The following ZBTB20 variants were observed in gnomAD, a reference collection of about 807,000 sequenced individuals.
The protein encoded by ZBTB20 is zinc finger and BTB domain-containing protein 20.
In ZBTB20, 9 loss-of-function variants were observed where a neutral mutation model predicts 56.9. The ratio of observed to expected loss-of-function variants is 0.16; its 90% CI spans 0.10 to 0.28. The LOEUF (loss-of-function observed/expected upper bound fraction) is 0.28. Ranked by LOEUF, ZBTB20 falls within the 10% of genes least tolerant of loss-of-function variation. The pLI is 1.00. For synonymous variants in ZBTB20, 417 were observed against 420.7 expected (o/e 0.99, Z 0.11); for missense variants, 655 against 1,003.0 (o/e 0.65, Z 4.69).
At chr3:114,486,138 G>GTGTGTGTGT (rs1553726951) in intron 7 of ZBTB20, among the ~76,000 whole-genome samples, 6 of 25,292 alleles carry the variant, frequency 2.4e-4, no homozygotes, top group African/African-American at 5.7e-4. Flanking sequence ...GTGTGTGTGT[G>GTGTGTGTGT]GGGGGGGGGG....
intron 3 of ZBTB20, among the ~76,000 whole-genome samples, chr3:114,929,856 G>T: frequency 6.6e-6 from 1 of 152,188 alleles, no homozygotes; most frequent in Non-Finnish European, 1.5e-5. Context: ...GAAATGAAAA[G>T]ACAAATTCTT....
intron 3 of ZBTB20, among the ~76,000 whole-genome samples, chr3:114,959,017 C>A (rs545049602): frequency 6.6e-6 from 1 of 152,040 alleles, no homozygotes; most frequent in African/African-American, 2.4e-5. Flanking sequence ...TATATATAAC[C>A]AAGTTTTAAG....
At chr3:114,441,329 T>G (rs966271505) in intron 7 of ZBTB20, among the ~76,000 whole-genome samples, 4 of 152,166 alleles carry the variant, frequency 2.6e-5, no homozygotes, top group African/African-American at 4.8e-5. Flanking sequence ...TTCATGCTGT[T>G]TTTTAAAAAT....
chr3:114,503,964 A>G (rs1348498149), intron 6 of ZBTB20, among the ~76,000 whole-genome samples: 1 of 152,136 alleles, frequency 6.6e-6, no homozygotes, highest in Non-Finnish European at 1.5e-5. Flanking sequence ...ACCAAGTTTC[A>G]AGGAACTCCT....
At chr3:114,921,233 C>T (rs530142619) in intron 3 of ZBTB20, among the ~76,000 whole-genome samples, 101 of 152,240 alleles carry the variant, frequency 6.6e-4, no homozygotes, top group African/African-American at 2.4e-3. Context: ...AGTGATTCTC[C>T]TGCTTCAGCT....
intron 1 of ZBTB20, among the ~76,000 whole-genome samples, chr3:115,073,678 C>A (rs1352977478): frequency 6.6e-6 from 1 of 151,316 alleles, no homozygotes; most frequent in East Asian, 1.9e-4. Flanking sequence ...ATATTTATAA[C>A]TATAAACAAA....
intron 6 of ZBTB20, among the ~76,000 whole-genome samples, chr3:114,597,096 A>C (rs2056381263): frequency 6.6e-6 from 1 of 152,178 alleles, no homozygotes. Context: ...GAGCCTTCTA[A>C]GCAGTTCTCC....
chr3:114,908,349 G>A (rs1157868608), intron 3 of ZBTB20, among the ~76,000 whole-genome samples: 1 of 152,014 alleles, frequency 6.6e-6, no homozygotes, highest in African/African-American at 2.4e-5. Context: ...GATAGAGCTA[G>A]GGTATTTGGC....
chr3:115,135,915 C>T (rs1185893519), intron 1 of ZBTB20, among the ~76,000 whole-genome samples: 1 of 152,006 alleles, frequency 6.6e-6, no homozygotes. Flanking sequence ...TTAGAAAGCT[C>T]ATATAAAAAG....
Position 115,058,683 on chromosome 3 carries a change from G to A in ZBTB20, c.-507+12536C>T, listed in dbSNP as rs919775982. Among the ~76,000 whole-genome samples, 5 of 152,200 alleles carry A rather than the reference G, an allele frequency of 3.3e-5. No individual in the cohort carries two copies. The East Asian group carries it at 9.7e-4, about 29-fold the overall frequency. On this transcript the variant is annotated intron_variant, in intron 2 of 11. Coordinates refer to ENST00000675478, the MANE Select transcript of ZBTB20 (RefSeq NM_001348800.3). Reference sequence around the variant, plus strand: ...GGCAGAGGTTGCAGTAAGCCACGATGTGCCACTGCACTCCAGCCTGGGCAA... The same window carrying A: ...GGCAGAGGTTGCAGTAAGCCACGATATGCCACTGCACTCCAGCCTGGGCAA...
intron 5 of ZBTB20, among the ~76,000 whole-genome samples, chr3:114,794,138 C>T (rs1174861399): frequency 6.6e-6 from 1 of 152,022 alleles, no homozygotes; most frequent in East Asian, 1.9e-4. Context: ...GCTACTTAAT[C>T]GTTCTGGGGC....
intron 7 of ZBTB20, among the ~76,000 whole-genome samples, chr3:114,402,942 T>C (rs1009891314): frequency 3.3e-5 from 5 of 152,132 alleles, no homozygotes; most frequent in Admixed American, 6.6e-5. Flanking sequence ...TCCTTCACAG[T>C]GGTGTGTCTG....
At position 114,392,476 on chromosome 3, in the gene ZBTB20, G is replaced by A. The variant is rs117671301; in HGVS notation, c.-254-3371C>T. ...ACCACTGGGGTGATAAACTCAGGCT[G>A]AAAATAAGAATAAAGAAATTTCTCA... On this transcript the variant is annotated intron_variant, in intron 7 of 11. Coordinates refer to ENST00000675478, the MANE Select transcript of ZBTB20 (RefSeq NM_001348800.3). Among the ~76,000 whole-genome samples the A allele has an allele frequency of 4.9e-4, 74 of 152,288 alleles. No individual in the cohort carries two copies. The East Asian group carries it at 0.012, about 25-fold the overall frequency.
chr3:114,593,310 C>T (rs2055968037), intron 6 of ZBTB20, among the ~76,000 whole-genome samples: 2 of 151,228 alleles, frequency 1.3e-5, no homozygotes, highest in South Asian at 4.2e-4. Flanking sequence ...AATTCATAAA[C>T]TAAAAAGAAG....
chr3:114,586,875 C>T (rs1005265616), intron 6 of ZBTB20, among the ~76,000 whole-genome samples: 2 of 149,742 alleles, frequency 1.3e-5, no homozygotes, highest in African/African-American at 5.0e-5. Flanking sequence ...TGAAGAGTGC[C>T]TTCAGACTCA....
At chr3:114,575,591 T>A (rs114259398) in intron 6 of ZBTB20, among the ~76,000 whole-genome samples, 5,842 of 138,122 alleles carry the variant, frequency 0.042, 140 homozygotes, top group Middle Eastern at 0.065. Flanking sequence ...CTTTAAAAAA[T>A]AAAAAAAAAA....
At position 114,329,706 on chromosome 3, in the gene ZBTB20, T is replaced by C. The variant is rs2079173962; in HGVS notation, c.*9299A>G. 8.7e-6 allele frequency: 1 copy of C among 115,142 alleles called. No individual in the cohort carries two copies. The highest frequency in any genetic ancestry group is 1.7e-5 in the Non-Finnish European group (1 of 58,358). The allele number at this position is 115,142 out of a possible 1,614,324, so 7.1% of individuals were successfully genotyped here. A position where few individuals can be genotyped will look rare whatever the true frequency, so the allele number is the denominator to read the frequency against. ...TCCTGAAACTCTGGTTTTACTTTTT[T>C]TGGAAAAAAAAAAAAAAAAAAAAAA... On this transcript the variant is annotated 3_prime_UTR_variant, in exon 12 of 12. Transcript: ENST00000675478.
intron 10 of ZBTB20, among the ~76,000 whole-genome samples, chr3:114,353,902 T>G (rs574443651): frequency 9.8e-5 from 15 of 152,368 alleles, no homozygotes; most frequent in African/African-American, 2.4e-4. Context: ...CAATTGCTGG[T>G]AGACTGGCAT....
intron 5 of ZBTB20, among the ~76,000 whole-genome samples, chr3:114,753,584 G>A (rs915027471): frequency 6.6e-6 from 1 of 151,510 alleles, no homozygotes; most frequent in Non-Finnish European, 1.5e-5. Flanking sequence ...ACAGGCATGT[G>A]CTACCACGCC....
Sources: allele counts gnomAD v4.1 joint callset (sites outside exome capture counted in the v4.1 genomes callset), GRCh38; gene constraint gnomAD v4.1.1; transcripts MANE v1.5; gene names NCBI Gene and HGNC (gene_info 2026-07-23, HGNC 2026-07-21).